ETV6: variants seen among roughly 807,000 people sequenced by gnomAD.
ETV6 encodes ETS variant transcription factor 6.
Under a neutral mutation model 51.1 loss-of-function variants are expected in ETV6, and 16 were observed. The ratio of observed to expected loss-of-function variants is 0.31; its 90% CI spans 0.21 to 0.48. The LOEUF is 0.48. Ranked by LOEUF, ETV6 falls within the 20% of genes least tolerant of loss-of-function variation. The probability of loss-of-function intolerance (pLI) is 0.99; values close to 1 mark genes in which losing one functional copy is unlikely to be tolerated. For synonymous variants in ETV6, 240 were observed against 224.1 expected, an observed-to-expected ratio of 1.07 and a Z score of -0.64; for missense variants, 458 against 594.8, an observed-to-expected ratio of 0.77 and a Z score of 2.39.
In ETV6 at chr12:11,653,351, C is replaced by G. The variant is rs964322698; in HGVS notation, c.33+3191C>G. Among the ~76,000 whole-genome samples the G allele has an allele frequency of 2.6e-5, 4 of 152,180 alleles. No individual in the cohort carries two copies. The South Asian group carries it at 8.3e-4, about 31-fold the overall frequency. The stretch of plus-strand genomic sequence containing the variant: ...CGGTCCCTTGTCAGGCTTGGCACAG[C>G]TTGTTAGTGGGCCAGGACTAACCAG... On this transcript the variant is annotated intron_variant, in intron 1 of 7. Transcript: ENST00000396373.
chr12:11,739,025 A>G (rs762766698), intron 1 of ETV6, among the ~76,000 whole-genome samples: 11 of 152,134 alleles, frequency 7.2e-5, no homozygotes, highest in Non-Finnish European at 1.2e-4. Context: ...GGCGTCCTGA[A>G]CCAACTTGTT....
intron 1 of ETV6, among the ~76,000 whole-genome samples, chr12:11,746,447 C>G (rs981734135): frequency 1.3e-5 from 2 of 152,198 alleles, no homozygotes; most frequent in African/African-American, 4.8e-5. Flanking sequence ...CATGGGAACA[C>G]ATACCACATG....
chr12:11,747,315 A>G (rs1032310757), intron 1 of ETV6, among the ~76,000 whole-genome samples: 4 of 152,200 alleles, frequency 2.6e-5, no homozygotes, highest in Admixed American at 2.6e-4. Context: ...TGTTGCTTTC[A>G]GGGCAGGGGG....
rs181600453 is a variant in ETV6, at chr12:11,713,263, C to T, written c.34-39187C>T. Among the ~76,000 whole-genome samples, 25 of 152,270 alleles carry T rather than the reference C, an allele frequency of 1.6e-4. No homozygotes were observed. The East Asian group carries it at 4.8e-3, about 29-fold the overall frequency. On this transcript the variant is annotated intron_variant, in intron 1 of 7. Coordinates refer to ENST00000396373, the MANE Select transcript of ETV6 (RefSeq NM_001987.5). ...ATTTATCTGATACAGTTCTTCTGCC[C>T]TAACACATACGTGTGCATTGCCTTT...
At position 11,869,983 on chromosome 12, in the gene ETV6, CCT is replaced by C. The variant is rs1229662762; in HGVS notation, c.1009+18_1009+19del. ...GGAGAATAGCAGGTGAGTGAGTTCC[CCT>C]CTCGCCGCTCCAGCATCATGGGGAC... On this transcript the variant is annotated intron_variant, in intron 5 of 7. Transcript: ENST00000396373. This position sits in a 1 kb window ranked among gnomAD's most constrained non-coding sequence, Gnocchi z 5.0. 9 of 1,584,378 alleles carry C rather than the reference CCT, an allele frequency of 5.7e-6. No homozygotes were observed. The highest frequency in any genetic ancestry group is 1.3e-5 in the African/African-American group (1 of 74,708).
At chr12:11,779,695 G>T (rs1380765296) in intron 2 of ETV6, among the ~76,000 whole-genome samples, 1 of 152,214 alleles carries the variant, frequency 6.6e-6, no homozygotes, top group Non-Finnish European at 1.5e-5. Flanking sequence ...TTGGTGCTTA[G>T]TATGGTACCC....
chr12:11,783,235 A>T (rs577269922), intron 2 of ETV6, among the ~76,000 whole-genome samples: 1 of 152,206 alleles, frequency 6.6e-6, no homozygotes, highest in Non-Finnish European at 1.5e-5. Context: ...CTCCCCAGAG[A>T]GACAGGAGGG....
rs116839191 is a variant in ETV6 at position 11,851,649 on chromosome 12, A to G, written c.329-1778A>G. Among the ~76,000 whole-genome samples, 275 of 152,276 alleles carry G rather than the reference A, an allele frequency of 1.8e-3. 1 individual carries two copies. The highest frequency in any genetic ancestry group is 6.4e-3 in the African/African-American group (264 of 41,556). On this transcript the variant is annotated intron_variant, in intron 3 of 7. Transcript: ENST00000396373. Reference sequence around the variant, plus strand: ...CTTCCTGCCCATCTCCTTTTAATAAAATGCCCAAGTGACATGGTGTCTGCA... The same window carrying G: ...CTTCCTGCCCATCTCCTTTTAATAAGATGCCCAAGTGACATGGTGTCTGCA...
chr12:11,657,715 A>G (rs1411168657), intron 1 of ETV6, among the ~76,000 whole-genome samples: 1 of 152,204 alleles, frequency 6.6e-6, no homozygotes, highest in East Asian at 1.9e-4. Context: ...TGAATGACCC[A>G]AAAAGGACGC....
At chr12:11,824,750 C>T (rs890919042) in intron 2 of ETV6, among the ~76,000 whole-genome samples, 10 of 152,004 alleles carry the variant, frequency 6.6e-5, no homozygotes, top group African/African-American at 9.7e-5. Flanking sequence ...CCAGCCTGAG[C>T]GACAGAGCAA....
chr12:11,890,832 C>G, intron 7 of ETV6, 109 bp from the exon 8 acceptor site: 1 of 845,472 alleles, frequency 1.2e-6, no homozygotes, highest in Non-Finnish European at 2.0e-6. Context: ...CAGTAGCTCT[C>G]CAGCTGTATA....
intron 2 of ETV6, among the ~76,000 whole-genome samples, chr12:11,791,390 C>G (rs556168396): frequency 7.9e-4 from 120 of 152,230 alleles, no homozygotes; most frequent in Middle Eastern, 3.4e-3. Context: ...GGATGTTGTC[C>G]AAAATACGTG....
intron 5 of ETV6, among the ~76,000 whole-genome samples, chr12:11,876,604 T>A (rs947908561): frequency 6.6e-6 from 1 of 152,242 alleles, no homozygotes; most frequent in Admixed American, 6.5e-5. Context: ...GTTGGTACAC[T>A]GACAATTGTT....
At chr12:11,769,492 C>T (rs141402775) in intron 2 of ETV6, among the ~76,000 whole-genome samples, 1 of 151,870 alleles carries the variant, frequency 6.6e-6, no homozygotes, top group African/African-American at 2.4e-5. Flanking sequence ...ACTCACAGTA[C>T]TAAGTTATTC....
At position 11,894,698 on chromosome 12, in the gene ETV6, GTC is replaced by G. The variant is rs1211854704; in HGVS notation, c.*3654_*3655del. 2 of 233,120 alleles carry G rather than the reference GTC, an allele frequency of 8.6e-6. No homozygotes were observed. Among genetic ancestry groups the G allele is most frequent in the African/African-American group, 4.4e-5 (2 of 45,336 alleles). 14.4% of individuals were successfully genotyped at this position (233,120 alleles called of 1,614,324 possible). ...CCACCTTTCACTGCCTAGGCTCCAA[GTC>G]TGAATACATTTTTGAAATAGGAACT... On this transcript the variant is annotated 3_prime_UTR_variant, in exon 8 of 8. Transcript: ENST00000396373.
At chr12:11,789,317 C>T (rs778723072) in intron 2 of ETV6, among the ~76,000 whole-genome samples, 8 of 152,144 alleles carry the variant, frequency 5.3e-5, no homozygotes, top group Non-Finnish European at 7.4e-5. Context: ...CAGGGGTGAG[C>T]CACGATCGTA....
intron 2 of ETV6, among the ~76,000 whole-genome samples, chr12:11,827,062 A>G (rs563073834): frequency 1.5e-5 from 2 of 134,686 alleles, no homozygotes; most frequent in East Asian, 4.3e-4. Flanking sequence ...AATAGAGAGA[A>G]GTCTGTCTCA....
intron 2 of ETV6, among the ~76,000 whole-genome samples, chr12:11,802,467 A>G (rs1407733157): frequency 6.6e-6 from 1 of 152,062 alleles, no homozygotes; most frequent in Non-Finnish European, 1.5e-5. Flanking sequence ...CTGTTATATT[A>G]CTCTCCAGTG....
chr12:11,747,467 A>G (rs1027342979), intron 1 of ETV6, among the ~76,000 whole-genome samples: 25 of 152,182 alleles, frequency 1.6e-4, no homozygotes, highest in Non-Finnish European at 2.5e-4. Context: ...TGCTACATCA[A>G]AATTTGCATT....
Sources: gnomAD v4.1 joint callset for allele counts (sites outside exome capture counted in the v4.1 genomes callset) on GRCh38, gnomAD v4.1.1 for gene constraint, Gnocchi (gnomAD v3.1) non-coding constraint, MANE v1.5 for transcripts, NCBI Gene and HGNC (gene_info 2026-07-23, HGNC 2026-07-21) for gene names.